VWC2L: variants seen among roughly 807,000 people sequenced by gnomAD.
VWC2L encodes the protein von Willebrand factor C domain containing 2 like.
VWC2L carries 10 observed loss-of-function variants against 21.6 expected under a neutral mutation model. The observed-to-expected ratio is 0.46, with a 90% CI of 0.29 to 0.78. VWC2L has a LOEUF of 0.78. Among genes scored for constraint, VWC2L ranks in the 30% least tolerant of loss-of-function variants. VWC2L has a pLI of 0.10. For synonymous variants in VWC2L, 96 were observed against 94.3 expected, an observed-to-expected ratio of 1.02 and a Z score of -0.10; for missense variants, 209 against 277.1, an observed-to-expected ratio of 0.75 and a Z score of 1.74.
At chr2:214,466,909 CCTT>C (rs1460901868) in intron 3 of VWC2L, among the ~76,000 whole-genome samples, 1 of 152,116 alleles carries the variant, frequency 6.6e-6, no homozygotes, top group African/African-American at 2.4e-5. Flanking sequence ...TGCTTTATCT[CCTT>C]ATTATGAATC....
chr2:214,526,958 G>C, intron 3 of VWC2L, among the ~76,000 whole-genome samples: 1 of 152,212 alleles, frequency 6.6e-6, no homozygotes, highest in Admixed American at 6.5e-5. Context: ...AATCAACCTA[G>C]GTATCCATCA....
chr2:214,517,081 C>G (rs1178967186), intron 3 of VWC2L, among the ~76,000 whole-genome samples: 1 of 152,202 alleles, frequency 6.6e-6, no homozygotes, highest in Non-Finnish European at 1.5e-5. Context: ...CTCAAATGAT[C>G]TCTAATGACA....
At chr2:214,429,265 G>A (rs1702567509) in intron 2 of VWC2L, among the ~76,000 whole-genome samples, 1 of 152,078 alleles carries the variant, frequency 6.6e-6, no homozygotes. Context: ...GAAAATACAT[G>A]GGTTCTGCTT....
At chr2:214,542,503 C>G (rs1401979291) in intron 3 of VWC2L, among the ~76,000 whole-genome samples, 1 of 151,558 alleles carries the variant, frequency 6.6e-6, no homozygotes, top group Non-Finnish European at 1.5e-5. Context: ...TCAGATCCAC[C>G]CTGACATCAT....
At chr2:214,486,400 T>G (rs1391381577) in intron 3 of VWC2L, among the ~76,000 whole-genome samples, 1 of 152,202 alleles carries the variant, frequency 6.6e-6, no homozygotes, top group Non-Finnish European at 1.5e-5. Context: ...GGGTAAAAAT[T>G]GATCTGAAAC....
chr2:214,508,543 C>T (rs1261793070), intron 3 of VWC2L, among the ~76,000 whole-genome samples: 1 of 152,170 alleles, frequency 6.6e-6, no homozygotes, highest in Admixed American at 6.5e-5. Flanking sequence ...CACTAACAAC[C>T]AAGTAGTTAA....
chr2:214,448,048 TAAC>T (rs879294000), intron 3 of VWC2L, among the ~76,000 whole-genome samples: 5 of 152,110 alleles, frequency 3.3e-5, no homozygotes, highest in Non-Finnish European at 5.9e-5. Context: ...AGCTATGAGT[TAAC>T]AACCCAAATC....
chr2:214,415,888 G>C (rs985869396), intron 2 of VWC2L, among the ~76,000 whole-genome samples: 3 of 152,122 alleles, frequency 2.0e-5, no homozygotes, highest in African/African-American at 7.2e-5. Flanking sequence ...AAAAGCATGA[G>C]AGTCTAGTAA....
At position 214,458,408 on chromosome 2, in the gene VWC2L, T is replaced by C. The variant is rs144426486; in HGVS notation, c.520+21650T>C. On this transcript the variant is annotated intron_variant, in intron 3 of 3. Coordinates refer to ENST00000312504, the MANE Select transcript of VWC2L (RefSeq NM_001080500.4). ...TTGTTTGCTTGATATTCTATGTTGA[T>C]GTTTTTTAGCTTCTAATTTGTTTAG... Among the ~76,000 whole-genome samples, 1,046 of 152,226 alleles carry C rather than the reference T, an allele frequency of 6.9e-3. 11 individuals are homozygous for C. The highest frequency in any genetic ancestry group is 9.8e-3 in the Non-Finnish European group (667 of 67,962).
At chr2:214,424,657 A>G (rs1574557352) in intron 2 of VWC2L, among the ~76,000 whole-genome samples, 1 of 152,364 alleles carries the variant, frequency 6.6e-6, no homozygotes, top group East Asian at 1.9e-4. Flanking sequence ...TGACAGTAGA[A>G]CACTTTTTTT....
chr2:214,423,836 G>A (rs1353404229), intron 2 of VWC2L, among the ~76,000 whole-genome samples: 1 of 151,918 alleles, frequency 6.6e-6, no homozygotes, highest in Non-Finnish European at 1.5e-5. Flanking sequence ...CTTTATACTT[G>A]GATGTAACAA....
intron 3 of VWC2L, among the ~76,000 whole-genome samples, chr2:214,519,960 TC>T (rs1293172353): frequency 6.6e-6 from 1 of 152,050 alleles, no homozygotes; most frequent in Non-Finnish European, 1.5e-5. Flanking sequence ...TTAAGATGGC[TC>T]CACAAAAATA....
At chr2:214,478,538 AAG>A (rs1160727376) in intron 3 of VWC2L, among the ~76,000 whole-genome samples, 1 of 152,126 alleles carries the variant, frequency 6.6e-6, no homozygotes, top group East Asian at 1.9e-4. Flanking sequence ...ATGTGAATAA[AAG>A]AGACAAGTAA....
chr2:214,454,949 C>T (rs968234210), intron 3 of VWC2L, among the ~76,000 whole-genome samples: 1 of 152,074 alleles, frequency 6.6e-6, no homozygotes, highest in African/African-American at 2.4e-5. Flanking sequence ...TTCAAAGGTA[C>T]TGTCCTTTTT....
intron 3 of VWC2L, among the ~76,000 whole-genome samples, chr2:214,477,418 G>A (rs1688540412): frequency 6.6e-6 from 1 of 152,226 alleles, no homozygotes; most frequent in African/African-American, 2.4e-5. Context: ...TCTCTGGTAC[G>A]AATCTGTGGT....
intron 3 of VWC2L, among the ~76,000 whole-genome samples, chr2:214,526,146 T>C (rs949085645): frequency 9.0e-4 from 137 of 151,418 alleles, no homozygotes; most frequent in African/African-American, 3.2e-3. Context: ...ATAACGTATA[T>C]ATCCACAGAG....
chr2:214,495,192 G>A (rs1398595429), intron 3 of VWC2L, among the ~76,000 whole-genome samples: 1 of 152,104 alleles, frequency 6.6e-6, no homozygotes, highest in Admixed American at 6.6e-5. Context: ...TAAAGTCACT[G>A]AGAGCTGTGG....
At chr2:214,515,579 A>G (rs1689128836) in intron 3 of VWC2L, among the ~76,000 whole-genome samples, 2 of 152,128 alleles carry the variant, frequency 1.3e-5, no homozygotes, top group African/African-American at 4.8e-5. Context: ...TTTGAGACGG[A>G]GTCTCGCTCT....
chr2:214,512,675 A>G (rs1023389418), intron 3 of VWC2L, among the ~76,000 whole-genome samples: 4 of 151,218 alleles, frequency 2.6e-5, no homozygotes, highest in Non-Finnish European at 5.9e-5. Context: ...AATGTAAAAG[A>G]GTAGGTGGAT....
Sources: gnomAD v4.1 joint callset for allele counts (sites outside exome capture counted in the v4.1 genomes callset) on GRCh38, gnomAD v4.1.1 for gene constraint, MANE v1.5 for transcripts, NCBI Gene and HGNC (gene_info 2026-07-23, HGNC 2026-07-21) for gene names.